Variants in SLC22A14 observed in about 807,000 individuals in gnomAD.
The protein encoded by SLC22A14 is solute carrier family 22 member 14.
A neutral mutation model predicts 53.9 loss-of-function variants in SLC22A14; 50 were observed. The observed-to-expected ratio is 0.93, with a 90% confidence interval of 0.74 to 1.17. The LOEUF (loss-of-function observed/expected upper bound fraction) is 1.17, where lower values mean the gene tolerates loss of function less well. SLC22A14 is among the 50% of genes most tolerant of loss of function. SLC22A14 has a pLI of 0.00. For synonymous variants in SLC22A14, 312 were observed against 303.0 expected (o/e 1.03, Z -0.31); for missense variants, 671 against 734.7 (o/e 0.91, Z 1.00).
At chr3:38,312,114 A>G (rs1164382116) in intron 5 of SLC22A14, among the ~76,000 whole-genome samples, 2 of 152,186 alleles carry the variant, frequency 1.3e-5, no homozygotes, top group African/African-American at 4.8e-5. Context: ...AACCAGCCAG[A>G]GTCCTGGTCG....
chr3:38,315,134 C>A (rs1022693836), intron 8 of SLC22A14, among the ~76,000 whole-genome samples: 8 of 152,270 alleles, frequency 5.3e-5, no homozygotes, highest in Non-Finnish European at 7.3e-5. Context: ...AGGAACCAAA[C>A]ACCCCCTTGC....
chr3:38,280,334 G>A (rs896213676), upstream of SLC22A14, among the ~76,000 whole-genome samples: 2 of 152,082 alleles, frequency 1.3e-5, no homozygotes, highest in African/African-American at 4.8e-5. Context: ...TCAAAAACCC[G>A]GTGTCATCAT....
intron 1 of SLC22A14, chr3:38,305,812 AT>A (rs1401238586): frequency 3.6e-6 from 2 of 559,078 alleles, no homozygotes; most frequent in Non-Finnish European, 6.3e-6. Context: ...AACATTAAAA[AT>A]CTCAATTACA....
Position 38,318,447 on chromosome 3 carries a change from G to A in SLC22A14, c.*198G>A. The stretch of plus-strand genomic sequence containing the variant: ...ATGGATTCCAGGCCACAAATTCCAG[G>A]CCTAGTTCAGTCTGGGGGCAGGGTC... On this transcript the variant is annotated 3_prime_UTR_variant, in exon 11 of 11. Coordinates refer to ENST00000448498, the MANE Select transcript of SLC22A14 (RefSeq NM_001320033.2). 1.7e-6 allele frequency: 1 copy of A among 591,188 alleles called. No individual in the cohort carries two copies. Among genetic ancestry groups the A allele is most frequent in the Non-Finnish European group, 3.1e-6 (1 of 327,338 alleles). 36.6% of individuals were successfully genotyped at this position (591,188 alleles called of 1,614,324 possible).
In SLC22A14 at chr3:38,309,040, G is replaced by A. The variant is rs369606081; in HGVS notation, c.862G>A (p.Gly288Arg). 5.9e-4 allele frequency: 951 copies of A among 1,614,102 alleles called. 11 individuals carry two copies. In the South Asian group the frequency reaches 9.9e-3, roughly 17 times the overall value. ...FFAVGAVLLT[G>R]IAYSLPHWQL... The stretch of plus-strand genomic sequence containing the variant: ...CGCTGTTGGGGCCGTGTTGCTGACA[G>A]GGATCGCCTACAGTCTTCCCCACTG... Residue 288 changes from glycine (G) to arginine (R), a missense_variant, in exon 5 of 11, where the codon GGG becomes AGG. By Grantham distance (125) the Gly-to-Arg change is moderately radical. Coordinates refer to ENST00000448498, the MANE Select transcript of SLC22A14 (RefSeq NM_001320033.2).
Position 38,315,628 on chromosome 3 carries a change from G to A in SLC22A14, c.1449G>A (p.Val483=), listed in dbSNP as rs749303277. 1.2e-6 allele frequency: 2 copies of A among 1,614,014 alleles called. No homozygotes were observed. Among genetic ancestry groups the A allele is most frequent in the Non-Finnish European group, 1.7e-6 (2 of 1,180,008 alleles). ...ATELKSMTIL[V]LMLREFSLAA... The stretch of plus-strand genomic sequence containing the variant: ...AGCTGAAATCCATGACGATCTTGGT[G>A]CTCATGCTCAGAGAGTTCAGCCTGG... Residue 483 remains valine, a synonymous_variant, in exon 9 of 11, where the codon GTG becomes GTA. Transcript: ENST00000448498.
chr3:38,307,199 A>T lies in SLC22A14; in HGVS notation c.517-55A>T, dbSNP rs931943136. On this transcript the variant is annotated intron_variant, in intron 2 of 10. Coordinates refer to ENST00000448498, the MANE Select transcript of SLC22A14 (RefSeq NM_001320033.2). This position sits in a 1 kb window ranked among gnomAD's most constrained non-coding sequence, Gnocchi z 4.4. ...TAGGTCCCACGCTGGGATGAGTCTC[A>T]GTCTCTGGACCCAAAGGTGGGCACC... The T allele has an allele frequency of 5.6e-6, 7 of 1,250,422 alleles. No individual in the cohort carries two copies. The highest frequency in any genetic ancestry group is 8.3e-6 in the Non-Finnish European group (7 of 848,154). 77.5% of individuals were successfully genotyped at this position (1,250,422 alleles called of 1,614,324 possible).
In SLC22A14 at chr3:38,306,265, C is replaced by T. The variant is rs765494260; in HGVS notation, c.239C>T (p.Ser80Leu). 31 of 1,614,058 alleles carry T rather than the reference C, an allele frequency of 1.9e-5. No homozygotes were observed. The highest frequency in any genetic ancestry group is 1.6e-4 in the Middle Eastern group (1 of 6,084). The change falls in exon 2 of 11, where the codon TCG (serine) becomes TTG (leucine). Residue 80 changes from serine (S) to leucine (L), a missense_variant. Transcript: ENST00000448498. ...VALTFIPSIM[S>L]AFFMFADHFV... ...CTCACCTTTATCCCCAGCATCATGT[C>T]GGCCTTCTTCATGTTTGCTGACCAC...
At chr3:38,286,608 A>G (rs1317415168) in intron 1 of SLC22A14, among the ~76,000 whole-genome samples, 1 of 151,280 alleles carries the variant, frequency 6.6e-6, no homozygotes, top group African/African-American at 2.4e-5. Context: ...ACTGGGTTTC[A>G]CCATGTTGGC....
At chr3:38,284,401 G>T (rs769426545) in intron 1 of SLC22A14, among the ~76,000 whole-genome samples, 2 of 152,190 alleles carry the variant, frequency 1.3e-5, no homozygotes, top group African/African-American at 4.8e-5. Flanking sequence ...TAGATTTGGC[G>T]AATGCAGCTC....
In SLC22A14 at chr3:38,306,025, A is replaced by G; in HGVS notation, c.1-2A>G. The G allele has an allele frequency of 1.9e-6, 3 of 1,606,686 alleles. No homozygotes were observed. The highest frequency in any genetic ancestry group is 1.7e-6 in the Non-Finnish European group (2 of 1,175,600). ...ACTGAGCTGCACCCTTTCTTTGGAC[A>G]GATGGCAGGAGAGGAGAACTTCAAG... On this transcript the variant is annotated splice_acceptor_variant, in intron 1 of 10. Coordinates refer to ENST00000448498, the MANE Select transcript of SLC22A14 (RefSeq NM_001320033.2). LOFTEE classifies it low-confidence loss of function (5UTR_SPLICE).
At chr3:38,301,779 G>A (rs776842893) in intron 1 of SLC22A14, among the ~76,000 whole-genome samples, 4 of 149,668 alleles carry the variant, frequency 2.7e-5, no homozygotes, top group Non-Finnish European at 4.4e-5. Context: ...TAGTTTTTTC[G>A]TTATTAAATT....
chr3:38,290,375 G>C (rs558262720), intron 1 of SLC22A14, among the ~76,000 whole-genome samples: 2 of 152,336 alleles, frequency 1.3e-5, no homozygotes, highest in Admixed American at 6.5e-5. Flanking sequence ...TCTTAGTCAT[G>C]GACTGCATCT....
At chr3:38,300,155 C>A (rs1704128851) in intron 1 of SLC22A14, among the ~76,000 whole-genome samples, 2 of 152,172 alleles carry the variant, frequency 1.3e-5, no homozygotes, top group South Asian at 4.1e-4. Flanking sequence ...AAAATTGTTC[C>A]AAGGCCAGGT....
chr3:38,318,489 C>A lies in SLC22A14; in HGVS notation c.*240C>A. ...GGCAGGGTCAGTCCTTCTCCCAGGCCAGCCCTTGACATTAAAAAAAATGCC... is the reference window on the plus strand; with the variant it reads ...GGCAGGGTCAGTCCTTCTCCCAGGCAAGCCCTTGACATTAAAAAAAATGCC... On this transcript the variant is annotated 3_prime_UTR_variant, in exon 11 of 11. Transcript: ENST00000448498. 1 of 406,568 alleles carries A rather than the reference C, an allele frequency of 2.5e-6. No homozygotes were observed. Among genetic ancestry groups the A allele is most frequent in the Non-Finnish European group, 4.4e-6 (1 of 228,384 alleles). The allele number at this position is 406,568 out of a possible 1,614,324, so 25.2% of individuals were successfully genotyped here.
At chr3:38,295,766 CTCTCTGTCTG>C (rs961055537) in intron 1 of SLC22A14, among the ~76,000 whole-genome samples, 2 of 149,956 alleles carry the variant, frequency 1.3e-5, no homozygotes, top group Non-Finnish European at 3.0e-5. Flanking sequence ...TGTCTCTCTC[CTCTCTGTCTG>C]TCTCTGTCTG....
chr3:38,289,216 A>C (rs1703857235), intron 1 of SLC22A14, among the ~76,000 whole-genome samples: 2 of 151,816 alleles, frequency 1.3e-5, no homozygotes, highest in Non-Finnish European at 2.9e-5. Flanking sequence ...TTGCAAAAAA[A>C]TGAACACAGA....
At position 38,313,136 on chromosome 3, in the gene SLC22A14, C is replaced by T. The variant is rs1181669121; in HGVS notation, c.1065+17C>T. 5 of 1,609,956 alleles carry T rather than the reference C, an allele frequency of 3.1e-6. No individual in the cohort carries two copies. Among genetic ancestry groups the T allele is most frequent in the South Asian group, 1.1e-5 (1 of 90,022 alleles). On this transcript the variant is annotated intron_variant, in intron 6 of 10. Transcript: ENST00000448498. ...CTGGACGAGGTAAAGGGCTTCTGGCCAGGAGTGGGGCCGGAGCAGTGGGCT... is the reference window on the plus strand; with the variant it reads ...CTGGACGAGGTAAAGGGCTTCTGGCTAGGAGTGGGGCCGGAGCAGTGGGCT...
At chr3:38,306,893 G>A (rs989887028) in intron 2 of SLC22A14, among the ~76,000 whole-genome samples, 7 of 152,228 alleles carry the variant, frequency 4.6e-5, no homozygotes, top group African/African-American at 1.7e-4. Context: ...CCCAACCCGA[G>A]CTGCAATCTA....
Sources: gnomAD v4.1 joint callset for allele counts (sites outside exome capture counted in the v4.1 genomes callset) on GRCh38, gnomAD v4.1.1 for gene constraint, Gnocchi (gnomAD v3.1) non-coding constraint, MANE v1.5 for transcripts, NCBI Gene and HGNC (gene_info 2026-07-23, HGNC 2026-07-21) for gene names.